Variants in HPCAL1 observed in about 807,000 individuals in gnomAD.
HPCAL1 encodes the protein hippocalcin-like protein 1.
A neutral mutation model predicts 17.1 loss-of-function variants in HPCAL1; 8 were observed. The observed-to-expected ratio is 0.47, with a 90% CI of 0.27 to 0.84. HPCAL1 has a LOEUF of 0.84. Among genes scored for constraint, HPCAL1 ranks in the 40% least tolerant of loss-of-function variants. The pLI, the probability that HPCAL1 is intolerant of heterozygous loss-of-function variation, is 0.13. For synonymous variants in HPCAL1, 112 were observed against 111.4 expected, an observed-to-expected ratio of 1.01 and a Z score of -0.03; for missense variants, 165 against 271.1, an observed-to-expected ratio of 0.61 and a Z score of 2.75.
Position 10,363,751 on chromosome 2 carries a change from G to A in HPCAL1, c.-110-33084G>A, listed in dbSNP as rs1326381031. ...AGTTTGGGCACGGCAAGGCTGGGGAGCCAGGCTTGTTTCGGATCTCCAGTC... is the reference window on the plus strand; with the variant it reads ...AGTTTGGGCACGGCAAGGCTGGGGAACCAGGCTTGTTTCGGATCTCCAGTC... On this transcript the variant is annotated intron_variant, in intron 1 of 4. Transcript: ENST00000307845. The surrounding 1 kb of genome is among the most constrained non-coding windows in gnomAD (Gnocchi z 4.7). Among the ~76,000 whole-genome samples, 2 of 152,358 alleles carry A rather than the reference G, an allele frequency of 1.3e-5. No individual in the cohort carries two copies. The highest frequency in any genetic ancestry group is 6.8e-3 in the Middle Eastern group (2 of 294).
intron 1 of HPCAL1, among the ~76,000 whole-genome samples, chr2:10,337,820 C>T (rs1340532373): frequency 6.6e-6 from 1 of 152,188 alleles, no homozygotes; most frequent in East Asian, 1.9e-4. Flanking sequence ...CTCAGTCCCC[C>T]AGGAGGTGCA....
rs150562805 is a variant in HPCAL1, at chr2:10,329,595, C to T, written c.-111+26418C>T. Among the ~76,000 whole-genome samples, 214 of 152,376 alleles carry T rather than the reference C, an allele frequency of 1.4e-3. 1 individual carries two copies. Among genetic ancestry groups the T allele is most frequent in the African/African-American group, 5.0e-3 (208 of 41,586 alleles). On this transcript the variant is annotated intron_variant, in intron 1 of 4. Coordinates refer to ENST00000307845, the MANE Select transcript of HPCAL1 (RefSeq NM_002149.4). Reference sequence around the variant, plus strand: ...ACACAGTCTCCGTGGGACCTGTGTCCACAGACAGAACTGTATGAAAACACG... The same window carrying T: ...ACACAGTCTCCGTGGGACCTGTGTCTACAGACAGAACTGTATGAAAACACG...
Position 10,355,899 on chromosome 2 carries a change from C to T in HPCAL1, c.-110-40936C>T, listed in dbSNP as rs559833977. Among the ~76,000 whole-genome samples the T allele has an allele frequency of 1.2e-4, 19 of 152,180 alleles. No individual in the cohort carries two copies. In the South Asian group the frequency reaches 1.5e-3, roughly 12 times the overall value. On this transcript the variant is annotated intron_variant, in intron 1 of 4. Coordinates refer to ENST00000307845, the MANE Select transcript of HPCAL1 (RefSeq NM_002149.4). ...TACCTACTTTCCTCTTATTTGGCACCGGGAGCCCCTGCCGGAGGACATGTT... is the reference window on the plus strand; with the variant it reads ...TACCTACTTTCCTCTTATTTGGCACTGGGAGCCCCTGCCGGAGGACATGTT...
chr2:10,306,297 AT>A lies in HPCAL1; in HGVS notation c.-111+3122del, dbSNP rs1662616051. On this transcript the variant is annotated intron_variant, in intron 1 of 4. Transcript: ENST00000307845. ...CCAGGATTGATGGGGGATTATGTGTATTCTGCTAGTTTGTCAGCACCTGATG... is the reference window on the plus strand; with the variant it reads ...CCAGGATTGATGGGGGATTATGTGTATCTGCTAGTTTGTCAGCACCTGATG... Among the ~76,000 whole-genome samples the A allele has an allele frequency of 3.3e-5, 5 of 151,880 alleles. No homozygotes were observed. The South Asian group carries it at 1.0e-3, about 32-fold the overall frequency.
chr2:10,330,706 T>C lies in HPCAL1; in HGVS notation c.-111+27529T>C, dbSNP rs1382076596. Reference sequence around the variant, plus strand: ...CTTCATGACCTCTTCAAAGTCCCTGTGTCCAAATACAGTCACATCTGGAGG... The same window carrying C: ...CTTCATGACCTCTTCAAAGTCCCTGCGTCCAAATACAGTCACATCTGGAGG... On this transcript the variant is annotated intron_variant, in intron 1 of 4. Coordinates refer to ENST00000307845, the MANE Select transcript of HPCAL1 (RefSeq NM_002149.4). This position sits in a 1 kb window ranked among gnomAD's most constrained non-coding sequence, Gnocchi z 4.2. 6.6e-6 allele frequency among the ~76,000 whole-genome samples: 1 copy of C among 152,246 alleles called. No homozygotes were observed. The highest frequency in any genetic ancestry group is 2.4e-5 in the African/African-American group (1 of 41,466).
intron 1 of HPCAL1, among the ~76,000 whole-genome samples, chr2:10,353,576 A>T (rs1665958815): frequency 6.6e-6 from 1 of 152,104 alleles, no homozygotes. Context: ...TAAATTTTTT[A>T]AATTTTTTTG....
chr2:10,392,530 C>T (rs1056011068), intron 1 of HPCAL1, among the ~76,000 whole-genome samples: 3 of 152,188 alleles, frequency 2.0e-5, no homozygotes, highest in Non-Finnish European at 2.9e-5. Context: ...TTGCAGGCCT[C>T]CCCTGCTCTT....
chr2:10,416,309 C>G (rs1461028948), intron 2 of HPCAL1, among the ~76,000 whole-genome samples: 1 of 152,214 alleles, frequency 6.6e-6, no homozygotes. Context: ...GTGAGCGATG[C>G]CCTGGGCACT....
chr2:10,308,353 A>G (rs1434184510), intron 1 of HPCAL1, among the ~76,000 whole-genome samples: 1 of 152,198 alleles, frequency 6.6e-6, no homozygotes, highest in Non-Finnish European at 1.5e-5. Flanking sequence ...GTTCATAGCC[A>G]TTACCACAAT....
chr2:10,318,616 G>T (rs1221212782), intron 1 of HPCAL1, among the ~76,000 whole-genome samples: 2 of 152,164 alleles, frequency 1.3e-5, no homozygotes, highest in African/African-American at 4.8e-5. Flanking sequence ...TGGCCGGGTG[G>T]GCTCGGTTTT....
In HPCAL1 at chr2:10,310,560, A is replaced by AGC. The variant is rs1662889206; in HGVS notation, c.-111+7383_-111+7384insGC. On this transcript the variant is annotated intron_variant, in intron 1 of 4. Transcript: ENST00000307845. The surrounding 1 kb of genome is among the most constrained non-coding windows in gnomAD (Gnocchi z 4.5). The stretch of plus-strand genomic sequence containing the variant: ...TGCCATTTTGGATTGTCCTAGCCTC[A>AGC]TGCCTTCTGAGAAGCATCTGTCAGG... Among the ~76,000 whole-genome samples, 1 of 152,130 alleles carries AGC rather than the reference A, an allele frequency of 6.6e-6. No homozygotes were observed. The highest frequency in any genetic ancestry group is 2.4e-5 in the African/African-American group (1 of 41,422).
chr2:10,354,821 T>G lies in HPCAL1; in HGVS notation c.-110-42014T>G, dbSNP rs1666037001. Among the ~76,000 whole-genome samples the G allele has an allele frequency of 6.6e-6, 1 of 152,252 alleles. No individual in the cohort carries two copies. The highest frequency in any genetic ancestry group is 2.1e-4 in the South Asian group (1 of 4,832). ...GTGTCTGATCTTAAATACACAGCCC[T>G]GCGTGCTGACCTTGTGTTAGAACTT... On this transcript the variant is annotated intron_variant, in intron 1 of 4. Transcript: ENST00000307845. The surrounding 1 kb of genome is among the most constrained non-coding windows in gnomAD (Gnocchi z 5.1).
intron 1 of HPCAL1, among the ~76,000 whole-genome samples, chr2:10,376,861 CAATACATAGCGTATT>C (rs1558498813): frequency 0.012 from 1,682 of 134,724 alleles, 108 homozygotes; most frequent in South Asian, 0.05. Context: ...GTGTGTAGTA[CAATACATAGCGTATT>C]GTATTGTGTG....
In HPCAL1 at chr2:10,310,429, C is replaced by T. The variant is rs1279237016; in HGVS notation, c.-111+7252C>T. Among the ~76,000 whole-genome samples, 2 of 152,106 alleles carry T rather than the reference C, an allele frequency of 1.3e-5. No individual in the cohort carries two copies. The highest frequency in any genetic ancestry group is 2.4e-5 in the African/African-American group (1 of 41,404). ...TCGGGCTTATGAGGCATGTTTTGATCCAGGCTGTCGTAGCAAGGGATTTGA... is the reference window on the plus strand; with the variant it reads ...TCGGGCTTATGAGGCATGTTTTGATTCAGGCTGTCGTAGCAAGGGATTTGA... On this transcript the variant is annotated intron_variant, in intron 1 of 4. Transcript: ENST00000307845. This position sits in a 1 kb window ranked among gnomAD's most constrained non-coding sequence, Gnocchi z 4.5.
intron 1 of HPCAL1, among the ~76,000 whole-genome samples, chr2:10,388,499 G>A (rs1668473545): frequency 6.6e-6 from 1 of 152,208 alleles, no homozygotes; most frequent in African/African-American, 2.4e-5. Flanking sequence ...CGTGTTTCGA[G>A]GTGACCTGTC....
intron 1 of HPCAL1, among the ~76,000 whole-genome samples, chr2:10,326,222 T>C (rs976567797): frequency 3.3e-5 from 5 of 152,210 alleles, no homozygotes; most frequent in Non-Finnish European, 7.3e-5. Context: ...AGCCATGTTC[T>C]CTTAGGGTTT....
rs1666388778 is a variant in HPCAL1, at chr2:10,359,466, A to T, written c.-110-37369A>T. Among the ~76,000 whole-genome samples the T allele has an allele frequency of 6.6e-6, 1 of 152,240 alleles. No individual in the cohort carries two copies. ...GAAAGTCCCTGCAGGCCCCGGCCTC[A>T]TGGCCTCTGTGACAGCAGCAGGATT... On this transcript the variant is annotated intron_variant, in intron 1 of 4. Coordinates refer to ENST00000307845, the MANE Select transcript of HPCAL1 (RefSeq NM_002149.4). This position sits in a 1 kb window ranked among gnomAD's most constrained non-coding sequence, Gnocchi z 4.1.
At chr2:10,347,236 C>T (rs1409655029) in intron 1 of HPCAL1, among the ~76,000 whole-genome samples, 5 of 152,056 alleles carry the variant, frequency 3.3e-5, no homozygotes, top group Non-Finnish European at 5.9e-5. Flanking sequence ...TTGCTCCTTC[C>T]GTCGTTGGCT....
intron 1 of HPCAL1, among the ~76,000 whole-genome samples, chr2:10,336,893 C>A (rs1231407796): frequency 1.3e-5 from 2 of 152,116 alleles, no homozygotes; most frequent in African/African-American, 4.8e-5. Context: ...TATAGGTATG[C>A]ACCACCACAC....
Sources: allele counts gnomAD v4.1 joint callset (sites outside exome capture counted in the v4.1 genomes callset), GRCh38; gene constraint gnomAD v4.1.1; non-coding constraint Gnocchi (gnomAD v3.1); transcripts MANE v1.5; gene names NCBI Gene and HGNC (gene_info 2026-07-23, HGNC 2026-07-21).